The following SPATA6 variants were observed in gnomAD, a reference collection of about 807,000 sequenced individuals.
SPATA6 encodes spermatogenesis associated 6, also known as spermatogenesis-associated protein 6.
In SPATA6, 56 loss-of-function variants were observed where a neutral mutation model predicts 65.3. The ratio of observed to expected loss-of-function variants is 0.86; its 90% CI spans 0.69 to 1.07. SPATA6 has a LOEUF of 1.07. Ranked by LOEUF, SPATA6 falls within the 50% of genes least tolerant of loss-of-function variation. The pLI, the probability that SPATA6 is intolerant of heterozygous loss-of-function variation, is 0.00. For synonymous variants in SPATA6, 199 were observed against 213.2 expected, an observed-to-expected ratio of 0.93 and a Z score of 0.58; for missense variants, 590 against 594.8, an observed-to-expected ratio of 0.99 and a Z score of 0.08.
At chr1:48,319,896 C>T (rs1443536587) in intron 11 of SPATA6, among the ~76,000 whole-genome samples, 1 of 152,168 alleles carries the variant, frequency 6.6e-6, no homozygotes, top group East Asian at 1.9e-4. Flanking sequence ...ACAGATACCA[C>T]ATCCACAGTA....
At chr1:48,410,415 C>A (rs891524887) in intron 5 of SPATA6, among the ~76,000 whole-genome samples, 1 of 152,190 alleles carries the variant, frequency 6.6e-6, no homozygotes, top group Non-Finnish European at 1.5e-5. Context: ...CCCACATCTT[C>A]CTGCTTTCTG....
the SPATA6 span, among the ~76,000 whole-genome samples, chr1:48,273,902 C>T: frequency 2.6e-5 from 4 of 152,162 alleles, no homozygotes; most frequent in African/African-American, 9.7e-5. Flanking sequence ...GTTCTAGATC[C>T]TTGAGGAATC....
chr1:48,279,424 A>G, the SPATA6 span, among the ~76,000 whole-genome samples: 18 of 152,250 alleles, frequency 1.2e-4, no homozygotes, highest in Non-Finnish European at 2.5e-4. Flanking sequence ...AGTGTGCTGT[A>G]TTCAGCAAAC....
intron 11 of SPATA6, among the ~76,000 whole-genome samples, chr1:48,353,690 T>C (rs1273193589): frequency 6.6e-6 from 1 of 151,830 alleles, no homozygotes; most frequent in South Asian, 2.1e-4. Flanking sequence ...AGAACCAGAA[T>C]GTAAAATAAA....
chr1:48,452,167 C>T (rs1466771711), intron 2 of SPATA6, among the ~76,000 whole-genome samples: 1 of 151,872 alleles, frequency 6.6e-6, no homozygotes, highest in Admixed American at 6.6e-5. Context: ...ACCATGTGTC[C>T]TCAGTGCCTA....
intron 9 of SPATA6, among the ~76,000 whole-genome samples, chr1:48,370,137 C>T (rs1427403912): frequency 2.6e-5 from 4 of 152,126 alleles, no homozygotes; most frequent in African/African-American, 9.7e-5. Flanking sequence ...TTAACTACTA[C>T]AAATAATGGG....
chr1:48,464,309 C>CAAACA lies in SPATA6; in HGVS notation c.51+7644_51+7648dup, dbSNP rs528491458. On this transcript the variant is annotated intron_variant, in intron 1 of 12. Coordinates refer to ENST00000371847, the MANE Select transcript of SPATA6 (RefSeq NM_019073.4). ...TCTAGCCATCAACATAAAGACAAGG[C>CAAACA]AAACAAAACAAAACAAAACAAAACA... Among the ~76,000 whole-genome samples, 1,303 of 151,904 alleles carry CAAACA rather than the reference C, an allele frequency of 8.6e-3. 23 individuals are homozygous for CAAACA. Among genetic ancestry groups the CAAACA allele is most frequent in the South Asian group, 0.051 (244 of 4,808 alleles).
At chr1:48,442,050 G>A (rs568802726) in intron 3 of SPATA6, among the ~76,000 whole-genome samples, 61 of 152,182 alleles carry the variant, frequency 4.0e-4, no homozygotes, top group Non-Finnish European at 5.0e-4. Flanking sequence ...GACTTACGCT[G>A]CCCAAGAGGA....
intron 11 of SPATA6, among the ~76,000 whole-genome samples, chr1:48,321,038 C>T (rs1350263399): frequency 6.6e-6 from 1 of 151,616 alleles, no homozygotes; most frequent in Admixed American, 6.6e-5. Context: ...AAATAAAGGG[C>T]AAAAAATTGA....
chr1:48,462,606 A>ATG (rs1657530367), intron 1 of SPATA6, among the ~76,000 whole-genome samples: 1 of 152,208 alleles, frequency 6.6e-6, no homozygotes, highest in Admixed American at 6.5e-5. Flanking sequence ...TTTCAGAGTA[A>ATG]GTAAGATTGG....
At chr1:48,441,345 C>T (rs1341199102) in intron 3 of SPATA6, among the ~76,000 whole-genome samples, 1 of 151,394 alleles carries the variant, frequency 6.6e-6, no homozygotes, top group African/African-American at 2.4e-5. Flanking sequence ...AGGTCCGTTA[C>T]CATCCGAGGA....
At chr1:48,409,758 G>A (rs1202285896) in intron 5 of SPATA6, among the ~76,000 whole-genome samples, 1 of 152,256 alleles carries the variant, frequency 6.6e-6, no homozygotes, top group Non-Finnish European at 1.5e-5. Context: ...TGCACCCTCT[G>A]AAGCCACGAC....
At chr1:48,293,140 C>T (rs1644779303), downstream of SPATA6, among the ~76,000 whole-genome samples, 1 of 152,154 alleles carries the variant, frequency 6.6e-6, no homozygotes, top group Non-Finnish European at 1.5e-5. Flanking sequence ...TAGCTGCTTC[C>T]AGATATCTCA....
At chr1:48,294,670 G>T (rs537660752), downstream of SPATA6, among the ~76,000 whole-genome samples, 1 of 152,222 alleles carries the variant, frequency 6.6e-6, no homozygotes, top group Admixed American at 6.5e-5. Context: ...TGTAAAATCT[G>T]ATCAATATTT....
intron 2 of SPATA6, 38 bp from the exon 3 acceptor site, chr1:48,451,638 A>G: frequency 6.3e-7 from 1 of 1,578,312 alleles, no homozygotes. Context: ...AGGAAGGAAG[A>G]TATATATTTT....
intron 11 of SPATA6, among the ~76,000 whole-genome samples, chr1:48,352,348 T>G (rs72893226): frequency 0.026 from 3,904 of 152,120 alleles, 106 homozygotes; most frequent in African/African-American, 0.071. Flanking sequence ...AACCATATCA[T>G]TTATAGTAGT....
At chr1:48,309,468 T>C (rs1300859528) in intron 11 of SPATA6, among the ~76,000 whole-genome samples, 1 of 152,222 alleles carries the variant, frequency 6.6e-6, no homozygotes, top group Non-Finnish European at 1.5e-5. Flanking sequence ...AACTTCAGGA[T>C]TTCTATTTGG....
chr1:48,372,097 A>G (rs1274556448), intron 9 of SPATA6, among the ~76,000 whole-genome samples: 4 of 152,116 alleles, frequency 2.6e-5, no homozygotes, highest in Non-Finnish European at 4.4e-5. Context: ...CTCACATTTC[A>G]AAACCAATCA....
intron 5 of SPATA6, among the ~76,000 whole-genome samples, chr1:48,410,152 T>C (rs940009377): frequency 2.0e-5 from 3 of 152,220 alleles, no homozygotes; most frequent in Non-Finnish European, 2.9e-5. Flanking sequence ...TTGAATGCTT[T>C]GCTGCTTAGA....
Sources: gnomAD v4.1 joint callset for allele counts (sites outside exome capture counted in the v4.1 genomes callset) on GRCh38, gnomAD v4.1.1 for gene constraint, MANE v1.5 for transcripts, NCBI Gene and HGNC (gene_info 2026-07-23, HGNC 2026-07-21) for gene names.